The following MRPS35 variants were observed in gnomAD, a reference collection of about 807,000 sequenced individuals.
The protein encoded by MRPS35 is small ribosomal subunit protein mS35.
MRPS35 carries 29 observed loss-of-function variants against 32.7 expected under a neutral mutation model. The ratio of observed to expected loss-of-function variants is 0.89; its 90% CI spans 0.66 to 1.21. MRPS35 has a LOEUF of 1.21. Ranked by LOEUF, MRPS35 falls within the 50% of genes most tolerant of loss-of-function variation. The pLI is 0.00. For synonymous variants in MRPS35, 148 were observed against 139.3 expected, an observed-to-expected ratio of 1.06 and a Z score of -0.44; for missense variants, 373 against 383.8, an observed-to-expected ratio of 0.97 and a Z score of 0.23.
intron 5 of MRPS35, among the ~76,000 whole-genome samples, chr12:27,727,109 C>T (rs1261896599): frequency 6.6e-6 from 1 of 151,858 alleles, no homozygotes. Context: ...TACAGGCACC[C>T]GCCACCACGC....
intron 1 of MRPS35, 63 bp from the exon 2 acceptor site, chr12:27,714,717 G>A: frequency 8.2e-7 from 1 of 1,219,730 alleles, no homozygotes; most frequent in East Asian, 2.4e-5. Context: ...CATGATTGAT[G>A]TTGAACAACT....
In MRPS35 at chr12:27,755,741, T is replaced by G. The variant is rs56243032; in HGVS notation, c.*291T>G. The G allele has an allele frequency of 0.067, 11,928 of 178,122 alleles. 1,511 individuals are homozygous for G. Among genetic ancestry groups the G allele is most frequent in the African/African-American group, 0.26 (11,240 of 42,458 alleles). The allele number at this position is 178,122 out of a possible 1,614,324, so 11.0% of individuals were successfully genotyped here. A position where few individuals can be genotyped will look rare whatever the true frequency, so the allele number is the denominator to read the frequency against. Reference sequence around the variant, plus strand: ...ATATACATGCATTTAATTGTGATTTTATCACCTTTCCCATTTCTTTCCCCA... The same window carrying G: ...ATATACATGCATTTAATTGTGATTTGATCACCTTTCCCATTTCTTTCCCCA... On this transcript the variant is annotated 3_prime_UTR_variant, in exon 8 of 8. Coordinates refer to ENST00000081029, the MANE Select transcript of MRPS35 (RefSeq NM_021821.4).
At chr12:27,750,698 C>T (rs1224266161) in intron 7 of MRPS35, among the ~76,000 whole-genome samples, 3 of 152,016 alleles carry the variant, frequency 2.0e-5, no homozygotes, top group African/African-American at 4.8e-5. Context: ...CCAGCTACTC[C>T]GGAGGCTGAG....
chr12:27,755,277 C>T lies in MRPS35; in HGVS notation c.799C>T (p.Leu267Phe), dbSNP rs2062021916. ...AGAAAGAAATATCCTGGAAACGCTT[C>T]TCCAGATGAAAGCTGCTGAGAAAAA... ...SSERNILETL[L>F]QMKAAEKNME... Residue 267 changes from leucine to phenylalanine, a missense_variant, in exon 8 of 8, where the codon CTC becomes TTC. Leu to Phe is a conservative substitution (Grantham distance 22). Coordinates refer to ENST00000081029, the MANE Select transcript of MRPS35 (RefSeq NM_021821.4). The T allele has an allele frequency of 1.2e-6, 2 of 1,612,834 alleles. No individual in the cohort carries two copies. The highest frequency in any genetic ancestry group is 2.2e-5 in the South Asian group (2 of 90,574).
At chr12:27,714,680 C>T in intron 1 of MRPS35, 100 bp from the exon 2 acceptor site, 1 of 797,286 alleles carries the variant, frequency 1.3e-6, no homozygotes, top group Non-Finnish European at 1.9e-6. Flanking sequence ...TTACTAAATA[C>T]CTTAAATTGT....
intron 7 of MRPS35, among the ~76,000 whole-genome samples, chr12:27,749,956 A>G (rs1188034270): frequency 6.6e-6 from 1 of 152,238 alleles, no homozygotes. Flanking sequence ...GGTAAATACC[A>G]TCTTATACAA....
At position 27,714,809 on chromosome 12, in the gene MRPS35, C is replaced by A. The variant is rs934820676; in HGVS notation, c.142C>A (p.Pro48Thr). Residue 48 changes from proline to threonine, a missense_variant, in exon 2 of 8, where the codon CCA becomes ACA. Physicochemically the swap from Pro to Thr is conservative, Grantham distance 38. Transcript: ENST00000081029. ...AAGAACACCCGGAAATGAAAGGCCA[C>A]CAAGAAGAAAGGTAAAAAGTTCGTA... The part of the protein sequence containing the change: ...PERTPGNERP[P>T]RRKALPPRTE... 2 of 1,610,504 alleles carry A rather than the reference C, an allele frequency of 1.2e-6. No individual in the cohort carries two copies. The highest frequency in any genetic ancestry group is 1.7e-6 in the Non-Finnish European group (2 of 1,177,326).
intron 7 of MRPS35, among the ~76,000 whole-genome samples, chr12:27,750,279 A>G (rs142441423): frequency 2.0e-5 from 3 of 152,304 alleles, no homozygotes; most frequent in Admixed American, 1.3e-4. Flanking sequence ...AAATCCCCCA[A>G]TAGATTGTGG....
chr12:27,713,709 C>A (rs1406443912), intron 1 of MRPS35, among the ~76,000 whole-genome samples: 1 of 152,204 alleles, frequency 6.6e-6, no homozygotes, highest in Non-Finnish European at 1.5e-5. Flanking sequence ...GCCTGTCTCT[C>A]CTGGAAACAT....
chr12:27,722,108 T>C (rs1415887319), intron 4 of MRPS35, among the ~76,000 whole-genome samples: 1 of 152,228 alleles, frequency 6.6e-6, no homozygotes, highest in Non-Finnish European at 1.5e-5. Flanking sequence ...TATTTTATAG[T>C]ATTTAAATGA....
At chr12:27,713,531 G>A (rs537217742) in intron 1 of MRPS35, among the ~76,000 whole-genome samples, 2 of 152,164 alleles carry the variant, frequency 1.3e-5, no homozygotes, top group South Asian at 4.1e-4. Context: ...AGCACCTGGA[G>A]TTCTGATGTC....
chr12:27,735,810 A>T (rs2140772054), intron 6 of MRPS35, among the ~76,000 whole-genome samples: 1 of 152,364 alleles, frequency 6.6e-6, no homozygotes, highest in Admixed American at 6.5e-5. Flanking sequence ...ATGTATATAA[A>T]ACTCAAGAGA....
chr12:27,721,910 G>C (rs1026564545), intron 4 of MRPS35, among the ~76,000 whole-genome samples: 4 of 152,122 alleles, frequency 2.6e-5, no homozygotes, highest in Non-Finnish European at 1.5e-5. Context: ...AACATAGTGA[G>C]ATCATGTCTC....
intron 5 of MRPS35, among the ~76,000 whole-genome samples, chr12:27,732,798 CAG>C (rs2061926763): frequency 6.6e-6 from 1 of 151,974 alleles, no homozygotes; most frequent in South Asian, 2.1e-4. Flanking sequence ...AACTGAGTCT[CAG>C]GGAGGTAACA....
At chr12:27,736,576 TTAAA>T (rs2061944093) in intron 6 of MRPS35, among the ~76,000 whole-genome samples, 3 of 152,108 alleles carry the variant, frequency 2.0e-5, no homozygotes, top group South Asian at 4.1e-4. Context: ...AGTAGAGGAC[TTAAA>T]TAAATATAAG....
chr12:27,727,243 G>A (rs1593468238), intron 5 of MRPS35, among the ~76,000 whole-genome samples: 1 of 152,136 alleles, frequency 6.6e-6, no homozygotes, highest in Non-Finnish European at 1.5e-5. Context: ...TTAGAGGCGT[G>A]AGCCTTTTAA....
chr12:27,733,027 T>G (rs891690170), intron 5 of MRPS35, among the ~76,000 whole-genome samples: 1 of 60,146 alleles, frequency 1.7e-5, no homozygotes, highest in Admixed American at 1.7e-4. Flanking sequence ...TATATATATA[T>G]ATATATATAT....
At chr12:27,749,846 C>T (rs1244871019) in intron 7 of MRPS35, among the ~76,000 whole-genome samples, 5 of 152,168 alleles carry the variant, frequency 3.3e-5, no homozygotes, top group Non-Finnish European at 7.3e-5. Context: ...CCTGTGAAGT[C>T]GGTTCTTACA....
chr12:27,751,092 G>A (rs2062000425), intron 7 of MRPS35, among the ~76,000 whole-genome samples: 1 of 88,814 alleles, frequency 1.1e-5, no homozygotes, highest in South Asian at 4.4e-4. Flanking sequence ...GACAGAGTGA[G>A]ACTCCATCTC....
Sources: allele counts gnomAD v4.1 joint callset (sites outside exome capture counted in the v4.1 genomes callset), GRCh38; gene constraint gnomAD v4.1.1; transcripts MANE v1.5; gene names NCBI Gene and HGNC (gene_info 2026-07-23, HGNC 2026-07-21).